Variants in FEZ1 observed in about 807,000 individuals in gnomAD.
FEZ1 encodes the protein fasciculation and elongation protein zeta 1.
In FEZ1, 20 loss-of-function variants were observed where a neutral mutation model predicts 49.3. The observed-to-expected ratio is 0.41, with a 90% CI of 0.29 to 0.59. FEZ1 has a LOEUF of 0.59. Ranked by LOEUF, FEZ1 falls within the 20% of genes least tolerant of loss-of-function variation. The probability of loss-of-function intolerance (pLI) is 0.36; values close to 1 mark genes in which losing one functional copy is unlikely to be tolerated. For missense variants in FEZ1, 413 were observed against 476.0 expected (o/e 0.87, Z 1.23); for synonymous variants, 170 against 180.9 (o/e 0.94, Z 0.48).
In FEZ1 at chr11:125,444,499, C is replaced by T. The variant is rs537119495; in HGVS notation, c.*1596G>A. ...ACTCGGGAGGCTGAGGCAGGAGAAT[C>T]ACTTGAACGTGGGAGGCGGAGTTTG... On this transcript the variant is annotated 3_prime_UTR_variant, in exon 10 of 10. Coordinates refer to ENST00000278919, the MANE Select transcript of FEZ1 (RefSeq NM_005103.5). Among the ~76,000 whole-genome samples, 68 of 152,132 alleles carry T rather than the reference C, an allele frequency of 4.5e-4. No individual in the cohort carries two copies. Among genetic ancestry groups the T allele is most frequent in the Middle Eastern group, 3.4e-3 (1 of 294 alleles).
At chr11:125,487,393 T>G (rs1417033658) in intron 2 of FEZ1, among the ~76,000 whole-genome samples, 1 of 152,218 alleles carries the variant, frequency 6.6e-6, no homozygotes, top group Non-Finnish European at 1.5e-5. Flanking sequence ...TTAAATGACT[T>G]GCCCAAGGTC....
chr11:125,462,879 A>G (rs1031439588), intron 4 of FEZ1, among the ~76,000 whole-genome samples: 2 of 152,000 alleles, frequency 1.3e-5, no homozygotes, highest in Non-Finnish European at 2.9e-5. Context: ...GCATGCCTGT[A>G]GTCCCAGCTA....
intron 1 of FEZ1, among the ~76,000 whole-genome samples, chr11:125,492,016 A>G (rs1283987088): frequency 6.6e-6 from 1 of 152,242 alleles, no homozygotes; most frequent in Non-Finnish European, 1.5e-5. Flanking sequence ...ATAAATCAAT[A>G]ATTTAATTAA....
intron 3 of FEZ1, among the ~76,000 whole-genome samples, chr11:125,477,192 C>T (rs574446456): frequency 6.6e-6 from 1 of 152,118 alleles, no homozygotes; most frequent in South Asian, 2.1e-4. Flanking sequence ...ATAGACTGTA[C>T]CTTCAAGATT....
chr11:125,470,119 A>C (rs1156513825), intron 3 of FEZ1, among the ~76,000 whole-genome samples: 1 of 152,220 alleles, frequency 6.6e-6, no homozygotes, highest in Non-Finnish European at 1.5e-5. Context: ...AGAAATCAAA[A>C]GCAACAGAGA....
intron 9 of FEZ1, among the ~76,000 whole-genome samples, chr11:125,446,619 A>C (rs2135732534): frequency 6.7e-6 from 1 of 150,260 alleles, no homozygotes; most frequent in East Asian, 2.0e-4. Flanking sequence ...TGAGTCACAA[A>C]CCCTTTCTGT....
chr11:125,453,923 G>T, intron 7 of FEZ1: 1 of 387,506 alleles, frequency 2.6e-6, no homozygotes, highest in African/African-American at 2.8e-5. Context: ...TAGAACACTA[G>T]AGCTCAAAAA....
chr11:125,463,559 T>C lies in FEZ1; in HGVS notation c.423A>G (p.Lys141=), dbSNP rs1249388514. The change falls in exon 4 of 10, where the codon AAA becomes AAG. Residue 141 remains lysine, a synonymous_variant. Coordinates refer to ENST00000278919, the MANE Select transcript of FEZ1 (RefSeq NM_005103.5). ...TCTTCTCATTGAACTCTTCCTCTTC[T>C]TTCTCATGGATCTGGAGAGGAGGTG... ...GNCSDTEIHE[K]EEEEFNEKSE... is the part of the protein sequence containing the mutation. The C allele has an allele frequency of 6.2e-7, 1 of 1,606,448 alleles. No homozygotes were observed. The highest frequency in any genetic ancestry group is 1.7e-5 in the Admixed American group (1 of 60,000).
Position 125,444,724 on chromosome 11 carries a change from G to A in FEZ1, c.*1371C>T, listed in dbSNP as rs1325978464. On this transcript the variant is annotated 3_prime_UTR_variant, in exon 10 of 10. Coordinates refer to ENST00000278919, the MANE Select transcript of FEZ1 (RefSeq NM_005103.5). The stretch of plus-strand genomic sequence containing the variant: ...TTTCTCTGTGGCATGCTTAGTTCAA[G>A]CAGACACTAAACTCCTGGGAATCAA... Among the ~76,000 whole-genome samples the A allele has an allele frequency of 6.6e-6, 1 of 152,186 alleles. No homozygotes were observed. Among genetic ancestry groups the A allele is most frequent in the East Asian group, 1.9e-4 (1 of 5,182 alleles).
intron 1 of FEZ1, among the ~76,000 whole-genome samples, chr11:125,491,565 G>A (rs147109981): frequency 0.011 from 1,677 of 152,168 alleles, 12 homozygotes; most frequent in Non-Finnish European, 0.017. Context: ...TTTTCTCTTC[G>A]GTCTATAGGG....
chr11:125,461,489 C>T (rs867123537), intron 4 of FEZ1, among the ~76,000 whole-genome samples: 3 of 152,110 alleles, frequency 2.0e-5, no homozygotes, highest in Non-Finnish European at 4.4e-5. Flanking sequence ...TGTCTGTAGT[C>T]CATGTTACTT....
At chr11:125,471,976 A>G (rs1957187482) in intron 3 of FEZ1, among the ~76,000 whole-genome samples, 1 of 152,128 alleles carries the variant, frequency 6.6e-6, no homozygotes, top group Admixed American at 6.6e-5. Context: ...AAACCTCCCA[A>G]GCACTTTGAA....
At chr11:125,469,426 C>G (rs1490337454) in intron 3 of FEZ1, among the ~76,000 whole-genome samples, 1 of 152,038 alleles carries the variant, frequency 6.6e-6, no homozygotes, top group African/African-American at 2.4e-5. Context: ...GCCCAACTAA[C>G]TTTTGTATTT....
chr11:125,455,899 C>T lies in FEZ1; in HGVS notation c.875G>A (p.Arg292Gln), dbSNP rs775688546. 3.3e-5 allele frequency: 53 copies of T among 1,613,752 alleles called. No individual in the cohort carries two copies. The highest frequency in any genetic ancestry group is 1.6e-4 in the Middle Eastern group (1 of 6,062). ...KEQRELMKKR[R>Q]KEKGLSLQSS... ...CTGCAGGCTCAGCCCTTTCTCTTTC[C>T]GCCTCTTTTTCATCAGTTCTCGCTG... Residue 292 changes from arginine (R) to glutamine (Q), a missense_variant, in exon 6 of 10, where the codon CGG becomes CAG. By Grantham distance (43) the Arg-to-Gln change is conservative. Coordinates refer to ENST00000278919, the MANE Select transcript of FEZ1 (RefSeq NM_005103.5).
chr11:125,493,483 AAAGAAG>A lies in FEZ1; in HGVS notation c.-46+2632_-46+2637del, dbSNP rs1253139731. Among the ~76,000 whole-genome samples, 111 of 82,540 alleles carry A rather than the reference AAAGAAG, an allele frequency of 1.3e-3. 12 individuals are homozygous for A. Among genetic ancestry groups the A allele is most frequent in the Middle Eastern group, 5.2e-3 (1 of 194 alleles). The allele number at this position is 82,540 out of a possible 152,430, so 54.1% of individuals were successfully genotyped here. On this transcript the variant is annotated intron_variant, in intron 1 of 9. Coordinates refer to ENST00000278919, the MANE Select transcript of FEZ1 (RefSeq NM_005103.5). ...GAAAGAAGGAAAGAAGGAAAGAAGG[AAAGAAG>A]GAAAGAAAGAAAGAAAGAGAGAAAG...
intron 3 of FEZ1, among the ~76,000 whole-genome samples, chr11:125,465,702 C>G (rs1957121580): frequency 6.6e-6 from 1 of 152,192 alleles, no homozygotes; most frequent in Non-Finnish European, 1.5e-5. Flanking sequence ...GGCTCCTTCC[C>G]TCTATGTGCG....
chr11:125,446,232 C>T (rs1956897908), intron 9 of FEZ1, 121 bp from the exon 10 acceptor site: 32 of 859,772 alleles, frequency 3.7e-5, no homozygotes, highest in Non-Finnish European at 4.0e-6. Context: ...ACAGCCCCCA[C>T]TTAGTGCCTA....
rs1419730866 is a variant in FEZ1, at chr11:125,444,256, C to T, written c.*1839G>A. On this transcript the variant is annotated 3_prime_UTR_variant, in exon 10 of 10. Transcript: ENST00000278919. ...TTCCTGGGGGGATAAGTCTCCGCCA[C>T]CCCTAGCTAAGATTGCTAGTGTTCT... 6.6e-6 allele frequency among the ~76,000 whole-genome samples: 1 copy of T among 152,182 alleles called. No individual in the cohort carries two copies. Among genetic ancestry groups the T allele is most frequent in the African/African-American group, 2.4e-5 (1 of 41,444 alleles).
At chr11:125,493,772 T>C (rs1957429237) in intron 1 of FEZ1, among the ~76,000 whole-genome samples, 1 of 152,244 alleles carries the variant, frequency 6.6e-6, no homozygotes, top group African/African-American at 2.4e-5. Context: ...GTGTTGCAGG[T>C]ATTTACACTG....
Sources: allele counts gnomAD v4.1 joint callset (sites outside exome capture counted in the v4.1 genomes callset), GRCh38; gene constraint gnomAD v4.1.1; transcripts MANE v1.5; gene names NCBI Gene and HGNC (gene_info 2026-07-23, HGNC 2026-07-21).